DOCK4: variants seen among roughly 807,000 people sequenced by gnomAD.
DOCK4 encodes dedicator of cytokinesis protein 4.
A neutral mutation model predicts 268.1 loss-of-function variants in DOCK4; 97 were observed. That is an observed-to-expected ratio of 0.36 (90% CI 0.31 to 0.43). The LOEUF (loss-of-function observed/expected upper bound fraction) is 0.43. Among genes scored for constraint, DOCK4 ranks in the 20% least tolerant of loss-of-function variants. The pLI is 1.00. For synonymous variants in DOCK4, 954 were observed against 887.2 expected (o/e 1.08, Z -1.34); for missense variants, 2,145 against 2,455.7 (o/e 0.87, Z 2.67).
At chr7:111,824,192 G>C (rs1000163102) in intron 26 of DOCK4, among the ~76,000 whole-genome samples, 4 of 152,140 alleles carry the variant, frequency 2.6e-5, no homozygotes, top group Admixed American at 1.3e-4. Context: ...TCTCTTGGGA[G>C]AGTAGGTCAT....
chr7:112,132,252 G>C (rs1030685259), intron 1 of DOCK4, among the ~76,000 whole-genome samples: 3 of 152,100 alleles, frequency 2.0e-5, no homozygotes, highest in African/African-American at 7.2e-5. Context: ...GATTGCTGAA[G>C]AGGTTTAAGT....
At chr7:111,800,863 G>C (rs1800225930) in intron 30 of DOCK4, among the ~76,000 whole-genome samples, 1 of 152,102 alleles carries the variant, frequency 6.6e-6, no homozygotes, top group Non-Finnish European at 1.5e-5. Flanking sequence ...CCTAACAGCA[G>C]TTAGGTTTAC....
At chr7:112,180,890 T>C (rs1424572949) in intron 1 of DOCK4, among the ~76,000 whole-genome samples, 1 of 152,250 alleles carries the variant, frequency 6.6e-6, no homozygotes, top group Non-Finnish European at 1.5e-5. Context: ...GTCATTTTCC[T>C]GAAGTTGGTA....
chr7:111,909,956 T>C (rs1033488099), intron 13 of DOCK4, among the ~76,000 whole-genome samples: 2 of 149,476 alleles, frequency 1.3e-5, no homozygotes, highest in African/African-American at 5.0e-5. Context: ...ATGGAGACCC[T>C]GTTTAAAAAA....
intron 36 of DOCK4, among the ~76,000 whole-genome samples, chr7:111,775,526 A>G (rs1798386270): frequency 6.6e-6 from 1 of 152,210 alleles, no homozygotes; most frequent in African/African-American, 2.4e-5. Flanking sequence ...ATACTCAAAG[A>G]ATGACCATAC....
intron 8 of DOCK4, among the ~76,000 whole-genome samples, chr7:111,958,073 A>G (rs1274906937): frequency 6.6e-6 from 1 of 152,182 alleles, no homozygotes; most frequent in African/African-American, 2.4e-5. Flanking sequence ...CTCTCTTCTT[A>G]ATAAGCACAT....
chr7:111,747,220 A>C (rs768134593), intron 43 of DOCK4, 47 bp downstream of exon 43: 1 of 1,567,984 alleles, frequency 6.4e-7, no homozygotes, highest in South Asian at 1.2e-5. Context: ...AACCCTAAGA[A>C]GTCACAATTG....
At chr7:111,923,116 ATACAG>A (rs1793294904) in intron 12 of DOCK4, among the ~76,000 whole-genome samples, 1 of 152,222 alleles carries the variant, frequency 6.6e-6, no homozygotes, top group South Asian at 2.1e-4. Context: ...ACAAAAAACA[ATACAG>A]TAATAACAAT....
chr7:111,845,019 T>C, intron 24 of DOCK4, 122 bp from the exon 25 acceptor site: 2 of 1,347,564 alleles, frequency 1.5e-6, no homozygotes, highest in Non-Finnish European at 2.0e-6. Context: ...AAGTGAATGA[T>C]CTCCTTTTAC....
intron 13 of DOCK4, among the ~76,000 whole-genome samples, chr7:111,912,258 C>T (rs1348206662): frequency 6.6e-6 from 1 of 152,130 alleles, no homozygotes; most frequent in African/African-American, 2.4e-5. Flanking sequence ...GTTTAGAAGA[C>T]CTCATTTAAA....
chr7:112,009,873 G>T (rs1292067547), intron 1 of DOCK4, among the ~76,000 whole-genome samples: 1 of 152,190 alleles, frequency 6.6e-6, no homozygotes, highest in Admixed American at 6.5e-5. Context: ...CTGGAGTGCA[G>T]TGGCATGAAC....
intron 1 of DOCK4, among the ~76,000 whole-genome samples, chr7:112,161,335 A>T (rs1817106004): frequency 6.6e-6 from 1 of 152,240 alleles, no homozygotes; most frequent in Non-Finnish European, 1.5e-5. Context: ...AATTTCATAC[A>T]CTGTACCAGG....
At chr7:112,133,278 T>C (rs1040417287) in intron 1 of DOCK4, among the ~76,000 whole-genome samples, 5 of 136,962 alleles carry the variant, frequency 3.7e-5, no homozygotes, top group African/African-American at 1.4e-4. Context: ...GAAACCAAAA[T>C]AGAGTCCAGG....
chr7:111,956,347 T>A (rs1477839239), intron 8 of DOCK4, among the ~76,000 whole-genome samples: 1 of 152,156 alleles, frequency 6.6e-6, no homozygotes, highest in African/African-American at 2.4e-5. Flanking sequence ...AGTATAAAAA[T>A]CCATGTCATT....
chr7:111,815,615 C>T (rs1010047810), intron 27 of DOCK4, among the ~76,000 whole-genome samples: 6 of 137,934 alleles, frequency 4.3e-5, no homozygotes, highest in African/African-American at 2.1e-4. Flanking sequence ...TATTTATTTC[C>T]TTCCTTCCTT....
At chr7:112,016,872 C>T (rs1467512572) in intron 1 of DOCK4, among the ~76,000 whole-genome samples, 3 of 152,142 alleles carry the variant, frequency 2.0e-5, no homozygotes, top group African/African-American at 2.4e-5. Flanking sequence ...TTTTCATACA[C>T]GGCATGATCT....
intron 8 of DOCK4, among the ~76,000 whole-genome samples, chr7:111,954,012 C>G (rs1047414060): frequency 1.3e-5 from 2 of 152,192 alleles, no homozygotes; most frequent in Admixed American, 1.3e-4. Flanking sequence ...TCAAAGCCAC[C>G]TCTTTGAGAA....
At chr7:111,749,127 G>A (rs779736329) in intron 42 of DOCK4, among the ~76,000 whole-genome samples, 13 of 152,096 alleles carry the variant, frequency 8.5e-5, no homozygotes, top group Non-Finnish European at 1.5e-4. Context: ...TTGAGAAGAG[G>A]TGCACAGGAG....
intron 45 of DOCK4, 42 bp downstream of exon 45, chr7:111,741,971 A>G (rs1157737742): frequency 2.6e-6 from 4 of 1,521,354 alleles, no homozygotes; most frequent in South Asian, 2.6e-5. Context: ...AGCAAACGGC[A>G]GTGATCAGGC....
Sources: gnomAD v4.1 joint callset for allele counts (sites outside exome capture counted in the v4.1 genomes callset) on GRCh38, gnomAD v4.1.1 for gene constraint, MANE v1.5 for transcripts, NCBI Gene and HGNC (gene_info 2026-07-23, HGNC 2026-07-21) for gene names.